Variants in WWTR1 observed in about 807,000 individuals in gnomAD.
The protein encoded by WWTR1 is WW domain-containing transcription regulator protein 1.
A neutral mutation model predicts 40.1 loss-of-function variants in WWTR1; 13 were observed. The ratio of observed to expected loss-of-function variants is 0.32; its 90% CI spans 0.21 to 0.52. The LOEUF (loss-of-function observed/expected upper bound fraction) is 0.52. WWTR1 is among the 20% of genes least tolerant of loss of function. The pLI, the probability that WWTR1 is intolerant of heterozygous loss-of-function variation, is 0.97. For missense variants in WWTR1, 436 were observed against 523.1 expected, an observed-to-expected ratio of 0.83 and a Z score of 1.63; for synonymous variants, 230 against 210.1, an observed-to-expected ratio of 1.09 and a Z score of -0.82.
At chr3:149,691,479 T>C (rs1224968589) in intron 1 of WWTR1, among the ~76,000 whole-genome samples, 4 of 151,896 alleles carry the variant, frequency 2.6e-5, no homozygotes, top group East Asian at 1.9e-4. Flanking sequence ...AAGGAGACAT[T>C]ATAACTGATA....
At chr3:149,550,435 G>A (rs1451021522) in intron 3 of WWTR1, among the ~76,000 whole-genome samples, 3 of 152,116 alleles carry the variant, frequency 2.0e-5, no homozygotes, top group East Asian at 1.9e-4. Context: ...TCAACAACTC[G>A]TTTCTCAAAC....
chr3:149,565,664 C>A (rs893730463), intron 3 of WWTR1, among the ~76,000 whole-genome samples: 17 of 152,110 alleles, frequency 1.1e-4, no homozygotes, highest in African/African-American at 4.1e-4. Context: ...GTAATCCCAG[C>A]ACTTTGGGAG....
At chr3:149,641,159 A>G (rs1712149793) in intron 2 of WWTR1, among the ~76,000 whole-genome samples, 1 of 147,378 alleles carries the variant, frequency 6.8e-6, no homozygotes, top group East Asian at 1.9e-4. Flanking sequence ...CAAAACAGAC[A>G]TTGTTTTAAA....
intron 1 of WWTR1, among the ~76,000 whole-genome samples, chr3:149,698,417 C>T (rs1235202647): frequency 6.6e-6 from 1 of 152,208 alleles, no homozygotes; most frequent in South Asian, 2.1e-4. Flanking sequence ...CTGAGGACTC[C>T]CCAGCCATGT....
chr3:149,671,409 A>G (rs1364296170), intron 1 of WWTR1, among the ~76,000 whole-genome samples: 1 of 152,216 alleles, frequency 6.6e-6, no homozygotes, highest in Non-Finnish European at 1.5e-5. Flanking sequence ...AGCTTTCAAA[A>G]GAGGTTTGGT....
At chr3:149,535,060 C>T (rs918258898) in intron 4 of WWTR1, among the ~76,000 whole-genome samples, 2 of 152,116 alleles carry the variant, frequency 1.3e-5, no homozygotes, top group South Asian at 2.1e-4. Flanking sequence ...GCTGAGGGAA[C>T]ACTCTGCCAG....
chr3:149,617,029 A>T (rs1354482561), intron 2 of WWTR1, among the ~76,000 whole-genome samples: 1 of 152,178 alleles, frequency 6.6e-6, no homozygotes, highest in Non-Finnish European at 1.5e-5. Context: ...GTAGAAAAAA[A>T]ATGTCCCTGA....
chr3:149,686,642 A>G (rs998006405), intron 1 of WWTR1, among the ~76,000 whole-genome samples: 1 of 152,122 alleles, frequency 6.6e-6, no homozygotes, highest in African/African-American at 2.4e-5. Context: ...ACACACCTAA[A>G]CCAATGCTAG....
At chr3:149,655,000 C>A (rs567620034) in intron 2 of WWTR1, among the ~76,000 whole-genome samples, 1 of 152,086 alleles carries the variant, frequency 6.6e-6, no homozygotes, top group Admixed American at 6.5e-5. Flanking sequence ...GTGGCGGGTG[C>A]CTGTAGTCCC....
intron 2 of WWTR1, among the ~76,000 whole-genome samples, chr3:149,598,440 T>A (rs939893118): frequency 1.8e-4 from 27 of 152,360 alleles, no homozygotes; most frequent in African/African-American, 6.5e-4. Context: ...ACATAGCTCA[T>A]AAGTAAAAGA....
intron 2 of WWTR1, among the ~76,000 whole-genome samples, chr3:149,582,396 T>C (rs1395644886): frequency 6.6e-6 from 1 of 152,140 alleles, no homozygotes; most frequent in Non-Finnish European, 1.5e-5. Context: ...CCAGCATTTT[T>C]TTTTCTCCTC....
intron 2 of WWTR1, among the ~76,000 whole-genome samples, chr3:149,576,916 G>A (rs1173833366): frequency 1.3e-5 from 2 of 152,200 alleles, no homozygotes; most frequent in Non-Finnish European, 2.9e-5. Context: ...GCAGCACTTT[G>A]GGAGGCCGAG....
intron 5 of WWTR1, among the ~76,000 whole-genome samples, chr3:149,714,792 T>G (rs995742311): frequency 5.3e-5 from 8 of 152,028 alleles, no homozygotes; most frequent in African/African-American, 1.9e-4. Context: ...GTGTGGTGCT[T>G]TTCCCTGGGC....
At chr3:149,628,135 T>C (rs1301028840) in intron 2 of WWTR1, among the ~76,000 whole-genome samples, 2 of 144,520 alleles carry the variant, frequency 1.4e-5, no homozygotes, top group African/African-American at 5.2e-5. Flanking sequence ...CTTTGGGAGG[T>C]CGAGGTGGGC....
intron 2 of WWTR1, chr3:149,576,197 C>T (rs1345523186): frequency 4.7e-6 from 2 of 428,398 alleles, no homozygotes; most frequent in African/African-American, 4.1e-5. Flanking sequence ...AGAGTGGCTC[C>T]CAGGCTGAAT....
chr3:149,635,142 C>T (rs1398330719), intron 2 of WWTR1, among the ~76,000 whole-genome samples: 3 of 152,182 alleles, frequency 2.0e-5, no homozygotes, highest in Non-Finnish European at 2.9e-5. Context: ...CTGGCTAGCT[C>T]ACAGGAGTGC....
intron 1 of WWTR1, among the ~76,000 whole-genome samples, chr3:149,697,494 A>G (rs1715033794): frequency 6.6e-6 from 1 of 152,188 alleles, no homozygotes; most frequent in African/African-American, 2.4e-5. Flanking sequence ...AAGAATCAAT[A>G]TTGTTAATAT....
At chr3:149,670,252 T>C (rs1199357655) in intron 1 of WWTR1, among the ~76,000 whole-genome samples, 3 of 152,204 alleles carry the variant, frequency 2.0e-5, no homozygotes, top group Non-Finnish European at 2.9e-5. Context: ...ACATGGTTTT[T>C]ATCACAGTGC....
chr3:149,591,894 G>GA (rs1738743179), intron 2 of WWTR1, among the ~76,000 whole-genome samples: 1 of 152,232 alleles, frequency 6.6e-6, no homozygotes, highest in East Asian at 1.9e-4. Flanking sequence ...TTGCGGGAGG[G>GA]GGTAGGAGAA....
Sources: gnomAD v4.1 joint callset for allele counts (sites outside exome capture counted in the v4.1 genomes callset) on GRCh38, gnomAD v4.1.1 for gene constraint, MANE v1.5 for transcripts, NCBI Gene and HGNC (gene_info 2026-07-23, HGNC 2026-07-21) for gene names.